The following RBMS1 variants were observed in gnomAD, a reference collection of about 807,000 sequenced individuals.
RBMS1 encodes RNA-binding motif, single-stranded-interacting protein 1.
RBMS1 carries 17 observed loss-of-function variants against 62.3 expected under a neutral mutation model. That is an observed-to-expected ratio of 0.27 (90% CI 0.19 to 0.41). The LOEUF (loss-of-function observed/expected upper bound fraction) is 0.41. RBMS1 is among the 10% of genes least tolerant of loss of function. The pLI, the probability that RBMS1 is intolerant of heterozygous loss-of-function variation, is 1.00. For synonymous variants in RBMS1, 172 were observed against 170.0 expected, an observed-to-expected ratio of 1.01 and a Z score of -0.09; for missense variants, 334 against 504.5, an observed-to-expected ratio of 0.66 and a Z score of 3.24.
intron 6 of RBMS1, among the ~76,000 whole-genome samples, chr2:160,288,591 G>A (rs1197775953): frequency 1.3e-5 from 2 of 152,120 alleles, no homozygotes; most frequent in Admixed American, 6.5e-5. Flanking sequence ...TGGGTATGAC[G>A]AGTCAGGAAC....
chr2:160,385,412 A>AAACAAC (rs929173448), intron 1 of RBMS1, among the ~76,000 whole-genome samples: 4 of 152,308 alleles, frequency 2.6e-5, no homozygotes, highest in African/African-American at 9.6e-5. Flanking sequence ...AAGCTAACTA[A>AAACAAC]AACAACAACA....
chr2:160,493,696 T>G lies in RBMS1; in HGVS notation c.-333A>C. 2.6e-6 allele frequency: 1 copy of G among 381,352 alleles called. No individual in the cohort carries two copies. Among genetic ancestry groups the G allele is most frequent in the Non-Finnish European group, 4.8e-6 (1 of 206,610 alleles). 23.6% of individuals were successfully genotyped at this position (381,352 alleles called of 1,614,324 possible). ...CGACTGCTCCGGGGCTGCCAAGGGC[T>G]GGCGCGCTGGCCGCGGTCCGCTCGG... is the stretch of plus-strand genomic sequence containing the variant. On this transcript the variant is annotated 5_prime_UTR_variant, in exon 1 of 14. Transcript: ENST00000348849.
At chr2:160,301,221 T>G (rs1227755996) in intron 5 of RBMS1, among the ~76,000 whole-genome samples, 1 of 152,222 alleles carries the variant, frequency 6.6e-6, no homozygotes, top group Non-Finnish European at 1.5e-5. Context: ...TATATGCTTC[T>G]TACATTTGCT....
intron 4 of RBMS1, 107 bp from the exon 5 acceptor site, chr2:160,303,594 G>A: frequency 7.8e-7 from 1 of 1,284,882 alleles, no homozygotes; most frequent in South Asian, 1.5e-5. Context: ...TCCTTTTAAA[G>A]TACTCAGAAC....
At chr2:160,314,881 G>T (rs1418081997) in intron 3 of RBMS1, among the ~76,000 whole-genome samples, 1 of 152,018 alleles carries the variant, frequency 6.6e-6, no homozygotes, top group African/African-American at 2.4e-5. Context: ...ATGCTAACAC[G>T]CAACAAAGCT....
chr2:160,446,610 C>A (rs1683661052), intron 1 of RBMS1, among the ~76,000 whole-genome samples: 1 of 152,176 alleles, frequency 6.6e-6, no homozygotes, highest in South Asian at 2.1e-4. Context: ...AAGATATATA[C>A]CTTTGGAAAC....
chr2:160,295,910 CT>C (rs1264955573), intron 6 of RBMS1, among the ~76,000 whole-genome samples: 3 of 152,310 alleles, frequency 2.0e-5, no homozygotes, highest in Non-Finnish European at 1.5e-5. Flanking sequence ...TCAAACTTTC[CT>C]TGTTGCACAC....
At chr2:160,340,139 T>C (rs1691795340) in intron 2 of RBMS1, among the ~76,000 whole-genome samples, 1 of 151,978 alleles carries the variant, frequency 6.6e-6, no homozygotes, top group Non-Finnish European at 1.5e-5. Flanking sequence ...TTCTAATTTT[T>C]CATGACCTAT....
intron 2 of RBMS1, among the ~76,000 whole-genome samples, chr2:160,362,765 C>T (rs1693199087): frequency 6.6e-6 from 1 of 151,956 alleles, no homozygotes; most frequent in South Asian, 2.1e-4. Flanking sequence ...TTGCTACAAA[C>T]CTTCAATTTG....
intron 2 of RBMS1, among the ~76,000 whole-genome samples, chr2:160,329,250 G>C (rs1250856338): frequency 6.6e-6 from 1 of 152,078 alleles, no homozygotes; most frequent in African/African-American, 2.4e-5. Context: ...AAAAATTTGG[G>C]GATAGGATAT....
At chr2:160,415,579 A>G (rs1696180255) in intron 1 of RBMS1, among the ~76,000 whole-genome samples, 2 of 152,228 alleles carry the variant, frequency 1.3e-5, no homozygotes, top group South Asian at 4.1e-4. Context: ...TGTCCTTTAC[A>G]TGAGTAAAAA....
chr2:160,364,318 G>C (rs555319800), intron 2 of RBMS1, among the ~76,000 whole-genome samples: 2 of 152,312 alleles, frequency 1.3e-5, no homozygotes, highest in Non-Finnish European at 2.9e-5. Flanking sequence ...CAGCAGTCAA[G>C]GTTCCAAGAT....
intron 1 of RBMS1, among the ~76,000 whole-genome samples, chr2:160,414,822 G>A (rs1277210380): frequency 2.7e-5 from 4 of 150,172 alleles, no homozygotes; most frequent in Non-Finnish European, 4.4e-5. Context: ...ACTCCAGCCT[G>A]GGCAACAGAG....
chr2:160,388,460 C>T (rs1424404267), intron 1 of RBMS1, among the ~76,000 whole-genome samples: 2 of 152,158 alleles, frequency 1.3e-5, no homozygotes, highest in Non-Finnish European at 2.9e-5. Flanking sequence ...CTTTGAAATT[C>T]AGAGACCCAG....
intron 1 of RBMS1, among the ~76,000 whole-genome samples, chr2:160,415,009 T>C (rs779432499): frequency 1.1e-4 from 16 of 152,096 alleles, no homozygotes; most frequent in African/African-American, 3.6e-4. Flanking sequence ...GCAAAATAAG[T>C]AAACTATTTG....
chr2:160,439,228 G>T (rs1294489401), intron 1 of RBMS1, among the ~76,000 whole-genome samples: 1 of 151,972 alleles, frequency 6.6e-6, no homozygotes, highest in Admixed American at 6.5e-5. Flanking sequence ...CGAGGTGGCT[G>T]CCGGACGGAG....
intron 12 of RBMS1, 28 bp from the exon 13 acceptor site, chr2:160,275,742 G>C: frequency 6.2e-7 from 1 of 1,613,186 alleles, no homozygotes; most frequent in South Asian, 1.1e-5. Flanking sequence ...GAATGGATGA[G>C]ACATGTTAGT....
chr2:160,426,852 G>A (rs1295789155), intron 1 of RBMS1, among the ~76,000 whole-genome samples: 1 of 138,148 alleles, frequency 7.2e-6, no homozygotes, highest in East Asian at 3.1e-4. Flanking sequence ...AGGGGAGCAT[G>A]TCAGGGGGAA....
intron 2 of RBMS1, among the ~76,000 whole-genome samples, chr2:160,346,599 A>G (rs1248408171): frequency 6.6e-6 from 1 of 152,158 alleles, no homozygotes; most frequent in South Asian, 2.1e-4. Context: ...ACATTAACCA[A>G]TGCAGGAATG....
Sources: allele counts gnomAD v4.1 joint callset (sites outside exome capture counted in the v4.1 genomes callset), GRCh38; gene constraint gnomAD v4.1.1; transcripts MANE v1.5; gene names NCBI Gene and HGNC (gene_info 2026-07-23, HGNC 2026-07-21).